The following ZMAT4 variants were observed in gnomAD, a reference collection of about 807,000 sequenced individuals.
The protein encoded by ZMAT4 is zinc finger matrin-type protein 4.
Under a neutral mutation model 28.7 loss-of-function variants are expected in ZMAT4, and 17 were observed. That is an observed-to-expected ratio of 0.59 (90% CI 0.41 to 0.89). The LOEUF (loss-of-function observed/expected upper bound fraction) is 0.89, where lower values mean the gene tolerates loss of function less well. Ranked by LOEUF, ZMAT4 falls within the 40% of genes least tolerant of loss-of-function variation. The pLI, the probability that ZMAT4 is intolerant of heterozygous loss-of-function variation, is 0.00. For synonymous variants in ZMAT4, 117 were observed against 109.2 expected, an observed-to-expected ratio of 1.07 and a Z score of -0.44; for missense variants, 240 against 283.8, an observed-to-expected ratio of 0.85 and a Z score of 1.11.
At chr8:40,795,988 A>G (rs1345329967) in intron 2 of ZMAT4, among the ~76,000 whole-genome samples, 5 of 152,100 alleles carry the variant, frequency 3.3e-5, no homozygotes, top group Admixed American at 2.6e-4. Context: ...CTTTCTTCTC[A>G]CTCAGAGTCT....
chr8:40,706,446 A>G (rs772410654), intron 3 of ZMAT4, among the ~76,000 whole-genome samples: 1 of 152,214 alleles, frequency 6.6e-6, no homozygotes, highest in African/African-American at 2.4e-5. Context: ...CAATTTTAAC[A>G]GATCAAGAAA....
chr8:40,818,546 C>T (rs879587890), intron 2 of ZMAT4, among the ~76,000 whole-genome samples: 3 of 152,208 alleles, frequency 2.0e-5, no homozygotes, highest in African/African-American at 4.8e-5. Flanking sequence ...GATGCCAAGA[C>T]GTTCAAAAAT....
At chr8:40,594,904 C>T (rs1046281509) in intron 5 of ZMAT4, among the ~76,000 whole-genome samples, 3 of 152,122 alleles carry the variant, frequency 2.0e-5, no homozygotes, top group African/African-American at 4.8e-5. Context: ...CTCGAGTCTT[C>T]GTTCTTAAAC....
intron 1 of ZMAT4, among the ~76,000 whole-genome samples, chr8:40,830,217 C>T (rs74730306): frequency 1.3e-5 from 2 of 152,208 alleles, no homozygotes; most frequent in East Asian, 1.9e-4. Context: ...TCAGGGGGTA[C>T]AGGTGCTTGT....
At chr8:40,777,415 T>C (rs1390778930) in intron 2 of ZMAT4, among the ~76,000 whole-genome samples, 4 of 152,068 alleles carry the variant, frequency 2.6e-5, no homozygotes, top group African/African-American at 7.2e-5. Context: ...AGCTTAGGGG[T>C]TGCAATTCGA....
chr8:40,607,113 G>C (rs1190403411), intron 5 of ZMAT4, among the ~76,000 whole-genome samples: 2 of 119,610 alleles, frequency 1.7e-5, no homozygotes, highest in Admixed American at 9.0e-5. Flanking sequence ...TTCATATCTT[G>C]TATCTTTTTT....
At chr8:40,820,645 G>A (rs904907716) in intron 2 of ZMAT4, among the ~76,000 whole-genome samples, 9 of 140,082 alleles carry the variant, frequency 6.4e-5, no homozygotes, top group East Asian at 2.1e-4. Context: ...GGAGTGTCTC[G>A]GGCATGTGTG....
chr8:40,616,826 T>C (rs1021479851), intron 5 of ZMAT4, among the ~76,000 whole-genome samples: 7 of 150,416 alleles, frequency 4.7e-5, no homozygotes, highest in Admixed American at 1.3e-4. Flanking sequence ...ACATGGCACA[T>C]GTACACATAT....
At chr8:40,610,872 C>T (rs1231821213) in intron 5 of ZMAT4, among the ~76,000 whole-genome samples, 1 of 150,522 alleles carries the variant, frequency 6.6e-6, no homozygotes, top group Admixed American at 6.6e-5. Flanking sequence ...TATGTGAAAC[C>T]TGGGGTAGTC....
chr8:40,868,868 C>T (rs1018573284), intron 1 of ZMAT4, among the ~76,000 whole-genome samples: 2 of 152,334 alleles, frequency 1.3e-5, no homozygotes, highest in East Asian at 3.9e-4. Flanking sequence ...TGCACACCCC[C>T]GCCAGAAGAT....
chr8:40,866,303 G>T lies in ZMAT4; in HGVS notation c.-5+31380C>A, dbSNP rs117895396. On this transcript the variant is annotated intron_variant, in intron 1 of 6. Transcript: ENST00000297737. ...GCACAAGGGTTCTGCACACAATGCTGGTGCCCCAGGGCTGGCACTGGGACG... is the reference window on the plus strand; with the variant it reads ...GCACAAGGGTTCTGCACACAATGCTTGTGCCCCAGGGCTGGCACTGGGACG... Among the ~76,000 whole-genome samples, 164 of 152,328 alleles carry T rather than the reference G, an allele frequency of 1.1e-3. 3 individuals carry two copies. Among genetic ancestry groups the T allele is most frequent in the East Asian group, 8.7e-3 (45 of 5,180 alleles).
intron 2 of ZMAT4, among the ~76,000 whole-genome samples, chr8:40,798,680 C>T (rs1814693279): frequency 6.6e-6 from 1 of 152,318 alleles, no homozygotes; most frequent in Non-Finnish European, 1.5e-5. Context: ...TAATTCTTAC[C>T]TGCTTTCCCA....
chr8:40,826,396 A>G (rs766673285), intron 1 of ZMAT4, among the ~76,000 whole-genome samples: 1 of 152,180 alleles, frequency 6.6e-6, no homozygotes. Context: ...ACATTCCAGG[A>G]AATTATAACA....
At chr8:40,539,418 A>C (rs1412692635) in intron 6 of ZMAT4, among the ~76,000 whole-genome samples, 4 of 152,212 alleles carry the variant, frequency 2.6e-5, no homozygotes, top group Non-Finnish European at 5.9e-5. Flanking sequence ...TTAGGTGTTG[A>C]AAGCATCTAT....
chr8:40,567,722 C>CAA (rs139227575), intron 6 of ZMAT4, among the ~76,000 whole-genome samples: 1 of 147,268 alleles, frequency 6.8e-6, no homozygotes, highest in African/African-American at 2.5e-5. Flanking sequence ...AAAGAAAGAA[C>CAA]AAAAAAAAAC....
chr8:40,823,477 T>C (rs1352669427), intron 2 of ZMAT4, among the ~76,000 whole-genome samples: 1 of 152,092 alleles, frequency 6.6e-6, no homozygotes. Flanking sequence ...GCTAACACGG[T>C]AAAACCCTGT....
chr8:40,856,848 A>C (rs1817316029), intron 1 of ZMAT4, among the ~76,000 whole-genome samples: 1 of 152,154 alleles, frequency 6.6e-6, no homozygotes, highest in Admixed American at 6.5e-5. Context: ...TAGACTCCAA[A>C]GAGCACAGGA....
At chr8:40,557,917 G>T (rs532845620) in intron 6 of ZMAT4, among the ~76,000 whole-genome samples, 6 of 152,318 alleles carry the variant, frequency 3.9e-5, no homozygotes, top group Admixed American at 3.9e-4. Context: ...GGAATATAAT[G>T]GGGGTTAACT....
intron 6 of ZMAT4, among the ~76,000 whole-genome samples, chr8:40,552,869 C>T (rs1409713566): frequency 1.3e-5 from 2 of 152,178 alleles, no homozygotes; most frequent in East Asian, 3.9e-4. Context: ...CCTCCCGTCG[C>T]TGTGGCTGAA....
Sources: allele counts gnomAD v4.1 joint callset (sites outside exome capture counted in the v4.1 genomes callset), GRCh38; gene constraint gnomAD v4.1.1; transcripts MANE v1.5; gene names NCBI Gene and HGNC (gene_info 2026-07-23, HGNC 2026-07-21).